Variants in PPP4R4 observed in about 807,000 individuals in gnomAD.
PPP4R4 encodes protein phosphatase 4 regulatory subunit 4.
Under a neutral mutation model 121.8 loss-of-function variants are expected in PPP4R4, and 70 were observed. That is an observed-to-expected ratio of 0.57 (90% CI 0.47 to 0.70). The LOEUF is 0.70. Among genes scored for constraint, PPP4R4 ranks in the 30% least tolerant of loss-of-function variants. The pLI, the probability that PPP4R4 is intolerant of heterozygous loss-of-function variation, is 0.00. For synonymous variants in PPP4R4, 348 were observed against 355.7 expected (o/e 0.98, Z 0.24); for missense variants, 875 against 1,033.6 (o/e 0.85, Z 2.10).
chr14:94,236,468 T>A (rs1208835066), intron 7 of PPP4R4, among the ~76,000 whole-genome samples: 1 of 152,220 alleles, frequency 6.6e-6, no homozygotes. Context: ...CTATATCCTG[T>A]ATTTGCTGAA....
chr14:94,223,743 C>T (rs1184103003), intron 3 of PPP4R4, among the ~76,000 whole-genome samples: 1 of 152,136 alleles, frequency 6.6e-6, no homozygotes, highest in Non-Finnish European at 1.5e-5. Context: ...TTAGAGTTAC[C>T]TAGTCTGCCT....
chr14:94,276,967 T>C lies in PPP4R4; in HGVS notation c.2597+1446T>C, dbSNP rs189929007. Among the ~76,000 whole-genome samples the C allele has an allele frequency of 3.3e-5, 5 of 152,300 alleles. No individual in the cohort carries two copies. The East Asian group carries it at 9.6e-4, about 29-fold the overall frequency. ...AGAGAATGCTCTTTAGCTATACAAT[T>C]ATTGCTCCCATGATTATACGATGGA... On this transcript the variant is annotated intron_variant, in intron 24 of 24. Transcript: ENST00000304338.
intron 2 of PPP4R4, among the ~76,000 whole-genome samples, chr14:94,197,919 G>A (rs1447627282): frequency 6.6e-6 from 1 of 152,000 alleles, no homozygotes; most frequent in East Asian, 1.9e-4. Flanking sequence ...ATCACTGTAT[G>A]GAATATAATA....
intron 4 of PPP4R4, among the ~76,000 whole-genome samples, chr14:94,230,962 T>A (rs1892001203): frequency 6.6e-6 from 1 of 152,202 alleles, no homozygotes; most frequent in Non-Finnish European, 1.5e-5. Context: ...GATTTATACT[T>A]TCTTGTTACT....
chr14:94,188,299 A>G lies in PPP4R4; in HGVS notation c.191+12172A>G, dbSNP rs539787015. On this transcript the variant is annotated intron_variant, in intron 2 of 24. Transcript: ENST00000304338. ...TTGGAATAAATCCTACCTGTTCATT[A>G]TGTATTAGTCTTTTTATATGTTTCT... Among the ~76,000 whole-genome samples the G allele has an allele frequency of 9.9e-4, 150 of 152,222 alleles. 1 individual carries two copies. Among genetic ancestry groups the G allele is most frequent in the Non-Finnish European group, 1.6e-3 (110 of 67,996 alleles).
At chr14:94,243,433 C>A (rs530746703) in intron 11 of PPP4R4, among the ~76,000 whole-genome samples, 130 of 152,200 alleles carry the variant, frequency 8.5e-4, no homozygotes, top group Non-Finnish European at 1.6e-3. Context: ...GGCTTGGTTA[C>A]CATGTCCACA....
chr14:94,260,620 A>G (rs1426685665), intron 19 of PPP4R4, among the ~76,000 whole-genome samples: 1 of 151,986 alleles, frequency 6.6e-6, no homozygotes, highest in Non-Finnish European at 1.5e-5. Flanking sequence ...CTTACTGGCC[A>G]TCTTTATCTC....
At chr14:94,241,375 T>C (rs1242934590) in intron 9 of PPP4R4, among the ~76,000 whole-genome samples, 1 of 152,114 alleles carries the variant, frequency 6.6e-6, no homozygotes, top group Non-Finnish European at 1.5e-5. Flanking sequence ...GATTCAATTT[T>C]TAAGCTCCTT....
At chr14:94,275,345 A>T (rs781665065) in intron 23 of PPP4R4, 29 bp from the exon 24 acceptor site, 4 of 1,610,156 alleles carry the variant, frequency 2.5e-6, no homozygotes, top group Admixed American at 3.3e-5. Flanking sequence ...TATATTTGGT[A>T]TGTCTGACTT....
Position 94,176,048 on chromosome 14 carries a change from T to C in PPP4R4, c.118-6T>C. The C allele has an allele frequency of 6.2e-7, 1 of 1,610,224 alleles. No individual in the cohort carries two copies. Among genetic ancestry groups the C allele is most frequent in the Non-Finnish European group, 8.5e-7 (1 of 1,176,362 alleles). ...GGTGCATAAATGTGTATTTTACCCT[T>C]GACAGACACCGGAAGAAATAGAAAG... is the stretch of plus-strand genomic sequence containing the variant. On this transcript the variant is annotated splice_region_variant and splice_polypyrimidine_tract_variant and intron_variant, in intron 1 of 24. Transcript: ENST00000304338.
At chr14:94,177,832 G>A (rs367960735) in intron 2 of PPP4R4, among the ~76,000 whole-genome samples, 484 of 152,284 alleles carry the variant, frequency 3.2e-3, no homozygotes, top group Non-Finnish European at 5.4e-3. Flanking sequence ...AATTTACAAA[G>A]CCCTTAAAGA....
chr14:94,231,288 A>G lies in PPP4R4; in HGVS notation c.489A>G (p.Val163=), dbSNP rs527775384. 4.3e-6 allele frequency: 7 copies of G among 1,612,286 alleles called. No individual in the cohort carries two copies. The East Asian group carries it at 1.1e-4, about 26-fold the overall frequency. ...WLETLLSVIE[V]LPKETLRHEI... ...AAACTCTTCTGTCTGTTATAGAAGT[A>G]TTGCCAAAAGAAACCCTACGGCATG... The change falls in exon 5 of 25, where the codon GTA becomes GTG. Residue 163 remains valine, a synonymous_variant. Transcript: ENST00000304338.
At chr14:94,276,773 G>A (rs1304917122) in intron 24 of PPP4R4, among the ~76,000 whole-genome samples, 1 of 152,002 alleles carries the variant, frequency 6.6e-6, no homozygotes, top group East Asian at 1.9e-4. Flanking sequence ...TGGTCGTTGG[G>A]TATATGCCCA....
chr14:94,203,380 T>A (rs905775337), intron 2 of PPP4R4, among the ~76,000 whole-genome samples: 7 of 152,246 alleles, frequency 4.6e-5, no homozygotes, highest in African/African-American at 1.7e-4. Context: ...TAGTTCTTTT[T>A]TTTTCCTTTT....
chr14:94,236,585 A>G (rs145509821), intron 7 of PPP4R4, among the ~76,000 whole-genome samples: 36 of 152,198 alleles, frequency 2.4e-4, no homozygotes, highest in African/African-American at 8.4e-4. Flanking sequence ...AGTCCTTGTC[A>G]TTGTGGTATG....
At chr14:94,265,728 G>A (rs117551904) in intron 21 of PPP4R4, 66 bp from the exon 22 acceptor site, 12,427 of 1,167,358 alleles carry the variant, frequency 0.011, 82 homozygotes, top group Non-Finnish European at 0.013. Context: ...GTTGGGGAGG[G>A]AATGGGGGTT....
At chr14:94,271,150 C>T (rs541950994) in intron 23 of PPP4R4, among the ~76,000 whole-genome samples, 22 of 152,216 alleles carry the variant, frequency 1.4e-4, no homozygotes, top group South Asian at 1.0e-3. Flanking sequence ...ATAGAAGCAA[C>T]GGGAATACAC....
chr14:94,240,195 A>C (rs953821236), intron 8 of PPP4R4, among the ~76,000 whole-genome samples: 4 of 152,216 alleles, frequency 2.6e-5, no homozygotes, highest in Non-Finnish European at 5.9e-5. Flanking sequence ...AAAAGTGATG[A>C]AATTCAATAC....
chr14:94,177,813 C>T (rs1888758956), intron 2 of PPP4R4, among the ~76,000 whole-genome samples: 1 of 152,198 alleles, frequency 6.6e-6, no homozygotes, highest in Non-Finnish European at 1.5e-5. Context: ...CAGTTTCGCT[C>T]AGTTCTGGAA....
Sources: gnomAD v4.1 joint callset for allele counts (sites outside exome capture counted in the v4.1 genomes callset) on GRCh38, gnomAD v4.1.1 for gene constraint, MANE v1.5 for transcripts, NCBI Gene and HGNC (gene_info 2026-07-23, HGNC 2026-07-21) for gene names.